Variants in CYP7B1 observed in about 807,000 individuals in gnomAD.
CYP7B1 encodes cytochrome P450 7B1.
CYP7B1 carries 29 observed loss-of-function variants against 42.7 expected under a neutral mutation model. The observed-to-expected ratio is 0.68, with a 90% CI of 0.51 to 0.93. The LOEUF is 0.93. Among genes scored for constraint, CYP7B1 ranks in the 40% least tolerant of loss-of-function variants. The pLI is 0.00. For missense variants in CYP7B1, 655 were observed against 600.5 expected, an observed-to-expected ratio of 1.09 and a Z score of -0.95; for synonymous variants, 235 against 218.2, an observed-to-expected ratio of 1.08 and a Z score of -0.68.
At chr8:64,702,415 T>C (rs1401905739) in intron 1 of CYP7B1, among the ~76,000 whole-genome samples, 2 of 152,104 alleles carry the variant, frequency 1.3e-5, no homozygotes, top group Admixed American at 6.6e-5. Flanking sequence ...GGTCATTCAT[T>C]ACTGAAAACC....
intron 5 of CYP7B1, among the ~76,000 whole-genome samples, chr8:64,604,299 A>G (rs1159364343): frequency 6.6e-6 from 1 of 152,242 alleles, no homozygotes; most frequent in African/African-American, 2.4e-5. Context: ...GGAAACACTT[A>G]GCAAAATAGT....
At chr8:64,679,647 A>T (rs1319548829) in intron 1 of CYP7B1, among the ~76,000 whole-genome samples, 1 of 152,182 alleles carries the variant, frequency 6.6e-6, no homozygotes. Context: ...TCCCCATTAT[A>T]GCAGATTTTA....
intron 1 of CYP7B1, among the ~76,000 whole-genome samples, chr8:64,650,011 C>T (rs1806014366): frequency 6.6e-6 from 1 of 152,100 alleles, no homozygotes; most frequent in Admixed American, 6.5e-5. Context: ...CTGTAGGTTG[C>T]TTTTTCACTG....
intron 1 of CYP7B1, among the ~76,000 whole-genome samples, chr8:64,747,641 G>A (rs1028607907): frequency 5.3e-5 from 8 of 151,662 alleles, no homozygotes; most frequent in South Asian, 2.1e-4. Flanking sequence ...AAGTGGAACC[G>A]TGCAGTTCAA....
rs180787854 is a variant in CYP7B1, at chr8:64,744,971, G to A, written c.122+53495C>T. On this transcript the variant is annotated intron_variant, in intron 1 of 5. Transcript: ENST00000310193. ...ATGTATGCATGTGTTATAACTGGCTGATCATACAAATAATTATTAAATATA... is the reference window on the plus strand; with the variant it reads ...ATGTATGCATGTGTTATAACTGGCTAATCATACAAATAATTATTAAATATA... Among the ~76,000 whole-genome samples, 68 of 152,272 alleles carry A rather than the reference G, an allele frequency of 4.5e-4. 1 individual carries two copies. Among genetic ancestry groups the A allele is most frequent in the Admixed American group, 3.1e-3 (47 of 15,288 alleles).
Position 64,604,731 on chromosome 8 carries a change from A to C in CYP7B1, c.1184T>G (p.Ile395Ser). 6.2e-7 allele frequency: 1 copy of C among 1,614,176 alleles called. No individual in the cohort carries two copies. The highest frequency in any genetic ancestry group is 1.1e-5 in the South Asian group (1 of 91,078). Residue 395 changes from isoleucine (I) to serine (S), a missense_variant, in exon 5 of 6, where the codon ATC becomes AGC. Coordinates refer to ENST00000310193, the MANE Select transcript of CYP7B1 (RefSeq NM_004820.5). ...YCVRKGDLVA[I>S]FPPVLHGDPE... Reference sequence around the variant, plus strand: ...GTCACCATGTAGGACTGGAGGAAAGATGGCTACCAAGTCTCCCTTTCGCAC... The same window carrying C: ...GTCACCATGTAGGACTGGAGGAAAGCTGGCTACCAAGTCTCCCTTTCGCAC...
chr8:64,592,218 A>C lies in CYP7B1; in HGVS notation c.*4424T>G, dbSNP rs1805047449. 6.6e-6 allele frequency among the ~76,000 whole-genome samples: 1 copy of C among 150,814 alleles called. No homozygotes were observed. The highest frequency in any genetic ancestry group is 2.4e-5 in the African/African-American group (1 of 41,302). On this transcript the variant is annotated 3_prime_UTR_variant, in exon 6 of 6. Coordinates refer to ENST00000310193, the MANE Select transcript of CYP7B1 (RefSeq NM_004820.5). ...AAAAAAGGATGGGATTTTACAATAT[A>C]TAATACAGTTTTTAAAAATTCTAAG...
downstream of CYP7B1, among the ~76,000 whole-genome samples, chr8:64,588,792 G>A (rs907542867): frequency 1.3e-5 from 2 of 152,228 alleles, no homozygotes. Flanking sequence ...CAGATGCCAG[G>A]CTGACTGAGT....
chr8:64,784,023 C>T (rs551854344), intron 1 of CYP7B1, among the ~76,000 whole-genome samples: 1 of 151,818 alleles, frequency 6.6e-6, no homozygotes, highest in South Asian at 2.1e-4. Context: ...CTTAATTTAC[C>T]AAGGTATCAG....
chr8:64,672,514 A>G (rs1031029690), intron 1 of CYP7B1, among the ~76,000 whole-genome samples: 1 of 152,148 alleles, frequency 6.6e-6, no homozygotes, highest in Non-Finnish European at 1.5e-5. Context: ...GAGAAACAAA[A>G]GATCCTATAT....
intron 1 of CYP7B1, among the ~76,000 whole-genome samples, chr8:64,647,560 T>C (rs918275274): frequency 1.3e-5 from 2 of 152,204 alleles, no homozygotes; most frequent in Non-Finnish European, 2.9e-5. Context: ...TTTGGCAAGC[T>C]GGAGACCCAG....
intron 1 of CYP7B1, among the ~76,000 whole-genome samples, chr8:64,657,826 G>A (rs2129631346): frequency 6.6e-6 from 1 of 152,262 alleles, no homozygotes; most frequent in East Asian, 1.9e-4. Context: ...AAAAATAACA[G>A]TGTAAGCTGA....
chr8:64,683,802 C>G lies in CYP7B1; in HGVS notation c.123-59263G>C, dbSNP rs187344272. On this transcript the variant is annotated intron_variant, in intron 1 of 5. Transcript: ENST00000310193. ...ATGTTCTAGTGAGCCTTTAAAAATA[C>G]TTTTTTTTTTCCCTGTTCCTACACC... Among the ~76,000 whole-genome samples, 211 of 150,106 alleles carry G rather than the reference C, an allele frequency of 1.4e-3. 1 individual carries two copies. The highest frequency in any genetic ancestry group is 6.9e-3 in the Middle Eastern group (2 of 288).
chr8:64,625,182 C>T (rs1805592412), intron 1 of CYP7B1, among the ~76,000 whole-genome samples: 1 of 152,018 alleles, frequency 6.6e-6, no homozygotes, highest in African/African-American at 2.4e-5. Flanking sequence ...ACCGTGTTAG[C>T]CAGGATGGCC....
At chr8:64,764,240 C>T (rs1207933013) in intron 1 of CYP7B1, among the ~76,000 whole-genome samples, 1 of 145,176 alleles carries the variant, frequency 6.9e-6, no homozygotes, top group Non-Finnish European at 1.5e-5. Flanking sequence ...CCCCCCCCAC[C>T]CCCTTCCCCC....
At position 64,653,383 on chromosome 8, in the gene CYP7B1, C is replaced by T. The variant is rs112140277; in HGVS notation, c.123-28844G>A. ...GCTATCAGGAACACCTCTAGGCACA[C>T]AAACTAGAAAACCTAGATGAGATGG... On this transcript the variant is annotated intron_variant, in intron 1 of 5. Coordinates refer to ENST00000310193, the MANE Select transcript of CYP7B1 (RefSeq NM_004820.5). Among the ~76,000 whole-genome samples the T allele has an allele frequency of 3.3e-3, 500 of 152,244 alleles. 8 individuals carry two copies. The highest frequency in any genetic ancestry group is 0.012 in the African/African-American group (489 of 41,558).
intron 5 of CYP7B1, among the ~76,000 whole-genome samples, chr8:64,600,635 G>T (rs892327842): frequency 6.6e-6 from 1 of 152,122 alleles, no homozygotes; most frequent in Non-Finnish European, 1.5e-5. Context: ...GCTGCAGACA[G>T]TTTGACCAGC....
intron 1 of CYP7B1, among the ~76,000 whole-genome samples, chr8:64,758,324 T>C (rs923788758): frequency 6.6e-6 from 1 of 152,208 alleles, no homozygotes; most frequent in African/African-American, 2.4e-5. Flanking sequence ...TCTCCACTGC[T>C]GCAGACAATC....
rs775470839 is a variant in CYP7B1, at chr8:64,798,478, A to G, written c.110T>C (p.Val37Ala). The G allele has an allele frequency of 1.5e-5, 23 of 1,512,950 alleles. No homozygotes were observed. The highest frequency in any genetic ancestry group is 5.7e-5 in the African/African-American group (4 of 69,850). The allele number at this position is 1,512,950 out of a possible 1,614,324, so 93.7% of individuals were successfully genotyped here. Reference protein sequence around the residue: ...ALLLLALCLLVRRTRRPGEPP... With the variant: ...ALLLLALCLLARRTRRPGEPP... ...CCGAGGCGCTTACCTGGTGCGCCGG[A>G]CAAGCAAGCAGAGGGCCAGGAGCAG... The change falls in exon 1 of 6, where the codon GTC (valine) becomes GCC (alanine). Residue 37 changes from valine to alanine, a missense_variant. By Grantham distance (64) the Val-to-Ala change is moderately conservative. Coordinates refer to ENST00000310193, the MANE Select transcript of CYP7B1 (RefSeq NM_004820.5).
Sources: allele counts gnomAD v4.1 joint callset (sites outside exome capture counted in the v4.1 genomes callset), GRCh38; gene constraint gnomAD v4.1.1; transcripts MANE v1.5; gene names NCBI Gene and HGNC (gene_info 2026-07-23, HGNC 2026-07-21).